SMAP1: variants seen among roughly 807,000 people sequenced by gnomAD.
SMAP1 encodes the protein stromal membrane-associated protein 1.
In SMAP1, 24 loss-of-function variants were observed where a neutral mutation model predicts 58.5. The observed-to-expected ratio is 0.41, with a 90% CI of 0.30 to 0.58. The LOEUF is 0.58. Ranked by LOEUF, SMAP1 falls within the 20% of genes least tolerant of loss-of-function variation. The pLI, the probability that SMAP1 is intolerant of heterozygous loss-of-function variation, is 0.29. For synonymous variants in SMAP1, 216 were observed against 196.6 expected, an observed-to-expected ratio of 1.10 and a Z score of -0.82; for missense variants, 563 against 566.3, an observed-to-expected ratio of 0.99 and a Z score of 0.06.
At chr6:70,822,904 C>G (rs1035161497) in intron 6 of SMAP1, among the ~76,000 whole-genome samples, 3 of 151,590 alleles carry the variant, frequency 2.0e-5, no homozygotes, top group African/African-American at 4.8e-5. Context: ...CACAGAGATT[C>G]TTCCCTCAGC....
chr6:70,746,614 G>T (rs1223470604), intron 2 of SMAP1, among the ~76,000 whole-genome samples: 2 of 152,148 alleles, frequency 1.3e-5, no homozygotes, highest in Admixed American at 1.3e-4. Context: ...GTTCATCAGG[G>T]ATATTGGTCT....
chr6:70,768,300 G>C (rs537075946), intron 3 of SMAP1, among the ~76,000 whole-genome samples: 109 of 152,192 alleles, frequency 7.2e-4, no homozygotes, highest in African/African-American at 2.6e-3. Context: ...TTTTTCTATT[G>C]ATTGGAATAG....
chr6:70,780,450 G>A (rs954449431), intron 4 of SMAP1, among the ~76,000 whole-genome samples: 3 of 152,128 alleles, frequency 2.0e-5, no homozygotes, highest in African/African-American at 7.2e-5. Context: ...ATGTGGTAGA[G>A]TGTGCCTGTA....
intron 2 of SMAP1, among the ~76,000 whole-genome samples, chr6:70,744,792 G>A (rs1221993934): frequency 3.3e-5 from 5 of 152,236 alleles, no homozygotes; most frequent in African/African-American, 4.8e-5. Flanking sequence ...CCCACCAACA[G>A]TGTAAAAGTG....
chr6:70,703,412 C>T (rs77234687), intron 1 of SMAP1, among the ~76,000 whole-genome samples: 2,066 of 152,182 alleles, frequency 0.014, 15 homozygotes, highest in Non-Finnish European at 0.018. Flanking sequence ...GGAATTGTAT[C>T]GGTTCCTGAT....
At chr6:70,803,785 A>G (rs1440137681) in intron 6 of SMAP1, among the ~76,000 whole-genome samples, 3 of 152,144 alleles carry the variant, frequency 2.0e-5, no homozygotes, top group Non-Finnish European at 2.9e-5. Flanking sequence ...TTCAGTTTCC[A>G]TGTAGATGTG....
At chr6:70,839,325 T>G (rs1449985967) in intron 7 of SMAP1, among the ~76,000 whole-genome samples, 1 of 152,238 alleles carries the variant, frequency 6.6e-6, no homozygotes, top group Non-Finnish European at 1.5e-5. Context: ...TGTCTCAAAG[T>G]CATTGCACAG....
intron 1 of SMAP1, among the ~76,000 whole-genome samples, chr6:70,692,021 T>C (rs1407361567): frequency 6.6e-6 from 1 of 152,178 alleles, no homozygotes; most frequent in Non-Finnish European, 1.5e-5. Flanking sequence ...TTTTTGGTTT[T>C]TTTGAGGAAT....
At chr6:70,813,110 T>C (rs1208068752) in intron 6 of SMAP1, among the ~76,000 whole-genome samples, 2 of 152,194 alleles carry the variant, frequency 1.3e-5, no homozygotes, top group Non-Finnish European at 2.9e-5. Context: ...GTAGATGGTA[T>C]GGTTTCGTAT....
intron 4 of SMAP1, among the ~76,000 whole-genome samples, chr6:70,788,591 G>C (rs1405897607): frequency 6.6e-6 from 1 of 152,120 alleles, no homozygotes; most frequent in Non-Finnish European, 1.5e-5. Flanking sequence ...AAAATTAAAG[G>C]ATGAGTAGGA....
intron 6 of SMAP1, among the ~76,000 whole-genome samples, chr6:70,804,335 C>A (rs554596691): frequency 6.7e-6 from 1 of 149,170 alleles, no homozygotes; most frequent in Non-Finnish European, 1.5e-5. Flanking sequence ...TTTAACTTTC[C>A]ATTTGCCTGG....
intron 2 of SMAP1, among the ~76,000 whole-genome samples, chr6:70,746,873 A>T (rs974118226): frequency 4.6e-5 from 7 of 152,178 alleles, no homozygotes; most frequent in African/African-American, 1.7e-4. Flanking sequence ...CTAAATTCTA[A>T]ACTGCCTAAT....
chr6:70,675,141 T>TA (rs79670208), intron 1 of SMAP1, among the ~76,000 whole-genome samples: 5,686 of 122,230 alleles, frequency 0.047, 143 homozygotes, highest in African/African-American at 0.054. Context: ...TGGAGAATGT[T>TA]AAAAAAAAAA....
At chr6:70,736,045 C>G (rs1324520674) in intron 2 of SMAP1, among the ~76,000 whole-genome samples, 1 of 151,834 alleles carries the variant, frequency 6.6e-6, no homozygotes, top group Non-Finnish European at 1.5e-5. Context: ...AATGTAAATA[C>G]TAAGTTTTTC....
intron 1 of SMAP1, among the ~76,000 whole-genome samples, chr6:70,686,093 AT>A (rs1340815865): frequency 6.6e-6 from 1 of 151,930 alleles, no homozygotes; most frequent in African/African-American, 2.4e-5. Flanking sequence ...TGATTTTTGT[AT>A]TTTTTTGGTA....
intron 1 of SMAP1, among the ~76,000 whole-genome samples, chr6:70,731,881 A>G (rs538158681): frequency 6.6e-6 from 1 of 152,132 alleles, no homozygotes; most frequent in African/African-American, 2.4e-5. Flanking sequence ...GCATATTTTC[A>G]TGCTTATTGG....
intron 4 of SMAP1, among the ~76,000 whole-genome samples, chr6:70,789,131 G>T (rs554221942): frequency 6.6e-6 from 1 of 151,422 alleles, no homozygotes; most frequent in Non-Finnish European, 1.5e-5. Context: ...TTCTTTATTC[G>T]TTGCTCACAT....
chr6:70,706,626 A>C (rs1767849899), intron 1 of SMAP1, among the ~76,000 whole-genome samples: 1 of 152,208 alleles, frequency 6.6e-6, no homozygotes, highest in Admixed American at 6.5e-5. Context: ...CATAATTAAA[A>C]ATTTTTAAGA....
intron 10 of SMAP1, chr6:70,859,209 G>A: frequency 1.6e-6 from 1 of 624,190 alleles, no homozygotes; most frequent in Non-Finnish European, 2.7e-6. Flanking sequence ...TACCCGCTGG[G>A]AATCTAAAAA....
Sources: gnomAD v4.1 joint callset for allele counts (sites outside exome capture counted in the v4.1 genomes callset) on GRCh38, gnomAD v4.1.1 for gene constraint, MANE v1.5 for transcripts, NCBI Gene and HGNC (gene_info 2026-07-23, HGNC 2026-07-21) for gene names.